The following ANKRD36B variants were observed in gnomAD, a reference collection of about 807,000 sequenced individuals.
ANKRD36B encodes ankyrin repeat domain-containing protein 36B.
A neutral mutation model predicts 135.7 loss-of-function variants in ANKRD36B; 37 were observed. The observed-to-expected ratio is 0.27, with a 90% CI of 0.21 to 0.36. The LOEUF (loss-of-function observed/expected upper bound fraction) is 0.36. Ranked by LOEUF, ANKRD36B falls within the 10% of genes least tolerant of loss-of-function variation. The probability of loss-of-function intolerance (pLI) is 1.00; values close to 1 mark genes in which losing one functional copy is unlikely to be tolerated. For synonymous variants in ANKRD36B, 179 were observed against 348.1 expected, an observed-to-expected ratio of 0.51 and a Z score of 5.41; for missense variants, 549 against 1,037.1, an observed-to-expected ratio of 0.53 and a Z score of 6.46.
chr2:97,566,354 C>T (rs539111025), intron 6 of ANKRD36B, among the ~76,000 whole-genome samples: 44 of 151,992 alleles, frequency 2.9e-4, no homozygotes, highest in African/African-American at 1.0e-3. Context: ...TTTGTACATG[C>T]CTTAGACCTT....
chr2:97,552,684 C>T (rs779836314), intron 16 of ANKRD36B, among the ~76,000 whole-genome samples: 4 of 151,902 alleles, frequency 2.6e-5, no homozygotes, highest in Admixed American at 6.6e-5. Context: ...TCCCTCCTTC[C>T]TGCCTGACAA....
intron 22 of ANKRD36B, among the ~76,000 whole-genome samples, chr2:97,546,222 C>A (rs1225226868): frequency 6.6e-6 from 1 of 151,664 alleles, no homozygotes; most frequent in Admixed American, 6.6e-5. Flanking sequence ...GCTACATGAT[C>A]CCACATGTCT....
chr2:97,561,558 T>C (rs2081026683), intron 6 of ANKRD36B, among the ~76,000 whole-genome samples: 1 of 151,926 alleles, frequency 6.6e-6, no homozygotes, highest in African/African-American at 2.4e-5. Flanking sequence ...AAAAGTGTAA[T>C]AAATTACCAA....
intron 43 of ANKRD36B, among the ~76,000 whole-genome samples, chr2:97,501,314 AAGAC>A (rs1192942661): frequency 2.2e-3 from 5 of 2,248 alleles, no homozygotes; most frequent in East Asian, 0.011. Flanking sequence ...TCCGATACCA[AAGAC>A]AGACAAGGAC....
intron 30 of ANKRD36B, among the ~76,000 whole-genome samples, chr2:97,538,564 A>C (rs1299711370): frequency 1.0e-5 from 1 of 96,682 alleles, no homozygotes; most frequent in African/African-American, 3.1e-5. Context: ...GAAAATATTC[A>C]GTCAGAAATT....
chr2:97,549,310 G>C, intron 20 of ANKRD36B, 109 bp downstream of exon 20: 2 of 1,326,548 alleles, frequency 1.5e-6, no homozygotes, highest in Non-Finnish European at 2.1e-6. Flanking sequence ...TCTCTGGCCT[G>C]CTGAATCAGA....
intron 5 of ANKRD36B, 70 bp downstream of exon 5, chr2:97,578,836 A>C (rs1573050863): frequency 1.3e-6 from 2 of 1,561,362 alleles, no homozygotes; most frequent in Middle Eastern, 1.7e-4. Flanking sequence ...CCTGATATAT[A>C]AGATGCAATT....
At chr2:97,534,680 A>G (rs1269392616) in intron 34 of ANKRD36B, among the ~76,000 whole-genome samples, 1 of 97,010 alleles carries the variant, frequency 1.0e-5, no homozygotes, top group Non-Finnish European at 2.7e-5. Flanking sequence ...AGGCATTAAG[A>G]AATGCTGGTG....
At position 97,574,704 on chromosome 2, in the gene ANKRD36B, G is replaced by A. The variant is rs578086500; in HGVS notation, c.763+1675C>T. Among the ~76,000 whole-genome samples, 68 of 152,266 alleles carry A rather than the reference G, an allele frequency of 4.5e-4. No homozygotes were observed. In the South Asian group the frequency reaches 0.013, roughly 30 times the overall value. ...TTTGGACAAGGTGGTTCCAGTTACT[G>A]CTGCCAGACTTTTGTTTCAGAATGC... is the stretch of plus-strand genomic sequence containing the variant. On this transcript the variant is annotated intron_variant, in intron 6 of 43. Coordinates refer to ENST00000359901, the MANE Select transcript of ANKRD36B (RefSeq NM_001393939.1).
rs1405333342 is a variant in ANKRD36B at position 97,589,752 on chromosome 2, C to T, written c.-67G>A. 1.9e-6 allele frequency: 3 copies of T among 1,611,030 alleles called. No individual in the cohort carries two copies. In the African/African-American group the frequency reaches 4.0e-5, roughly 22 times the overall value. ...TCGGCTGCAAATTGTAGCCTGCAGC[C>T]GTATTTCAGCTCGCCTTCGGGGATC... is the stretch of plus-strand genomic sequence containing the variant. On this transcript the variant is annotated 5_prime_UTR_variant, in exon 1 of 44. Coordinates refer to ENST00000359901, the MANE Select transcript of ANKRD36B (RefSeq NM_001393939.1).
chr2:97,549,722 T>A lies in ANKRD36B; in HGVS notation c.1376-108A>T, dbSNP rs1489333705. On this transcript the variant is annotated intron_variant, in intron 18 of 43. Transcript: ENST00000359901. Reference sequence around the variant, plus strand: ...CTCTGTCCTCCTGCCTGTATTAGCGTAGGCTTTGATGGCTTCTACTTTGTG... The same window carrying A: ...CTCTGTCCTCCTGCCTGTATTAGCGAAGGCTTTGATGGCTTCTACTTTGTG... 5 of 1,560,482 alleles carry A rather than the reference T, an allele frequency of 3.2e-6. No homozygotes were observed. In the South Asian group the frequency reaches 4.6e-5, roughly 14 times the overall value.
At chr2:97,560,776 T>C (rs767711502) in intron 7 of ANKRD36B, 39 bp from the exon 8 acceptor site, 5 of 1,593,282 alleles carry the variant, frequency 3.1e-6, no homozygotes, top group Non-Finnish European at 3.4e-6. Flanking sequence ...ATATGTAAAG[T>C]AGGTTTCATA....
intron 14 of ANKRD36B, among the ~76,000 whole-genome samples, chr2:97,554,469 C>T (rs907506242): frequency 2.0e-5 from 3 of 151,892 alleles, no homozygotes; most frequent in African/African-American, 4.8e-5. Context: ...GTTCCTGGAG[C>T]TGCCAAAATC....
At chr2:97,550,710 A>T (rs1477758231) in intron 18 of ANKRD36B, among the ~76,000 whole-genome samples, 1 of 151,892 alleles carries the variant, frequency 6.6e-6, no homozygotes, top group Non-Finnish European at 1.5e-5. Context: ...GAGTTGCCAA[A>T]ATCAAATATT....
intron 16 of ANKRD36B, among the ~76,000 whole-genome samples, chr2:97,551,954 C>G (rs930996085): frequency 6.6e-6 from 1 of 151,982 alleles, no homozygotes; most frequent in Admixed American, 6.6e-5. Flanking sequence ...TATGATGACA[C>G]TTCAGTTGAA....
chr2:97,545,164 C>T (rs1559146796), intron 24 of ANKRD36B, among the ~76,000 whole-genome samples: 1 of 95,600 alleles, frequency 1.0e-5, no homozygotes, highest in African/African-American at 3.1e-5. Flanking sequence ...TCCCAAATTA[C>T]ATAAATAACT....
intron 22 of ANKRD36B, among the ~76,000 whole-genome samples, chr2:97,546,239 T>C (rs1455931137): frequency 5.9e-5 from 9 of 151,728 alleles, no homozygotes; most frequent in Middle Eastern, 3.2e-3. Context: ...GTCTTTCATG[T>C]AAGAAATCAA....
At chr2:97,587,804 T>A (rs1004255114) in intron 1 of ANKRD36B, among the ~76,000 whole-genome samples, 2 of 149,262 alleles carry the variant, frequency 1.3e-5, no homozygotes, top group Admixed American at 6.7e-5. Flanking sequence ...CACAAACTTG[T>A]GGATAGAAAA....
At position 97,585,309 on chromosome 2, in the gene ANKRD36B, C is replaced by G; in HGVS notation, c.251G>C (p.Arg84Pro). ...SRRCELNLCD[R>P]EDRTPLIKAV... ...CTTGATCAGAGGTGTCCTGTCTTCA[C>G]GGTCGCAGAGGTTAAGCTCACATCT... Residue 84 changes from arginine (R) to proline (P), a missense_variant, in exon 2 of 44, where the codon CGT becomes CCT. Transcript: ENST00000359901. The G allele has an allele frequency of 6.3e-7, 1 of 1,578,606 alleles. No homozygotes were observed.
Sources: gnomAD v4.1 joint callset for allele counts (sites outside exome capture counted in the v4.1 genomes callset) on GRCh38, gnomAD v4.1.1 for gene constraint, MANE v1.5 for transcripts, NCBI Gene and HGNC (gene_info 2026-07-23, HGNC 2026-07-21) for gene names.